Variants in RASGRP1 observed in about 807,000 individuals in gnomAD.
RASGRP1 encodes RAS guanyl releasing protein 1.
A neutral mutation model predicts 95.1 loss-of-function variants in RASGRP1; 37 were observed. The observed-to-expected ratio is 0.39, with a 90% CI of 0.30 to 0.51. The LOEUF is 0.51. Ranked by LOEUF, RASGRP1 falls within the 20% of genes least tolerant of loss-of-function variation. The pLI is 0.80. For synonymous variants in RASGRP1, 325 were observed against 353.4 expected, an observed-to-expected ratio of 0.92 and a Z score of 0.90; for missense variants, 711 against 965.4, an observed-to-expected ratio of 0.74 and a Z score of 3.49.
At chr15:38,513,044 G>A in intron 6 of RASGRP1, 88 bp from the exon 7 acceptor site, 1 of 1,291,322 alleles carries the variant, frequency 7.7e-7, no homozygotes, top group South Asian at 1.8e-5. Context: ...AGTCCAGTCT[G>A]CTCAGTTGAT....
In RASGRP1 at chr15:38,544,918, T is replaced by C. The variant is rs1383509469; in HGVS notation, c.220+14903A>G. Among the ~76,000 whole-genome samples, 3 of 152,366 alleles carry C rather than the reference T, an allele frequency of 2.0e-5. No individual in the cohort carries two copies. The East Asian group carries it at 5.8e-4, about 29-fold the overall frequency. On this transcript the variant is annotated intron_variant, in intron 2 of 16. Coordinates refer to ENST00000310803, the MANE Select transcript of RASGRP1 (RefSeq NM_005739.4). ...CCCAAAAATAGTTGCTTCAGATATT[T>C]TGTCCAGTTTTATAGCTGTTGGTAG...
chr15:38,513,116 C>G (rs946917110), intron 6 of RASGRP1, among the ~76,000 whole-genome samples, 160 bp from the exon 7 acceptor site: 1 of 152,198 alleles, frequency 6.6e-6, no homozygotes, highest in African/African-American at 2.4e-5. Context: ...GGCCACTTGC[C>G]AACAAGCATG....
intron 16 of RASGRP1, among the ~76,000 whole-genome samples, chr15:38,491,705 T>C (rs1890592689): frequency 6.6e-6 from 1 of 152,204 alleles, no homozygotes; most frequent in South Asian, 2.1e-4. Context: ...TTGTAAGGAT[T>C]ATACTTAATG....
At chr15:38,502,539 G>A (rs1323043507) in intron 11 of RASGRP1, 118 bp from the exon 12 acceptor site, 4 of 639,862 alleles carry the variant, frequency 6.3e-6, no homozygotes, top group African/African-American at 1.8e-5. Context: ...CTGAACGAGA[G>A]GAACAGGGAA....
chr15:38,530,930 G>A (rs966950052), intron 2 of RASGRP1, among the ~76,000 whole-genome samples: 1 of 152,108 alleles, frequency 6.6e-6, no homozygotes, highest in African/African-American at 2.4e-5. Context: ...CAGAGTAGAT[G>A]GATAGAAATT....
At chr15:38,491,444 G>C (rs1191231770) in intron 16 of RASGRP1, among the ~76,000 whole-genome samples, 2 of 152,256 alleles carry the variant, frequency 1.3e-5, no homozygotes, top group Non-Finnish European at 2.9e-5. Flanking sequence ...CCTGAAAATA[G>C]GTTGTATACC....
At chr15:38,534,017 C>T (rs1225324244) in intron 2 of RASGRP1, among the ~76,000 whole-genome samples, 4 of 152,220 alleles carry the variant, frequency 2.6e-5, no homozygotes, top group Non-Finnish European at 5.9e-5. Context: ...CAAGCCTCCT[C>T]AAGAGGGCTG....
At chr15:38,503,916 C>G (rs1891145950) in intron 10 of RASGRP1, 1 of 171,690 alleles carries the variant, frequency 5.8e-6, no homozygotes, top group Non-Finnish European at 1.2e-5. Context: ...TGTGTACTTA[C>G]ACAAACCTAG....
rs1443310307 is a variant in RASGRP1, at chr15:38,498,859, T to G, written c.1808A>C (p.Glu603Ala). ...CACTGGCCCCACAGAAGTGTTGTTC[T>G]CTGTGGGAGCTACTGGGTTCTTGGC... is the stretch of plus-strand genomic sequence containing the variant. ...KRAKNPVAPTENNTSVGPVSN... is the reference protein window; with the variant it reads ...KRAKNPVAPTANNTSVGPVSN... The change falls in exon 15 of 17, where the codon GAG (glutamate) becomes GCG (alanine). Residue 603 changes from glutamate to alanine, a missense_variant. Glu to Ala is a moderately radical substitution (Grantham distance 107). Around this residue, in one of 3 missense-constraint regions of RASGRP1, gnomAD observed 212 missense variants for 247.8 expected, o/e 0.86. Transcript: ENST00000310803. 6.2e-7 allele frequency: 1 copy of G among 1,613,854 alleles called. No individual in the cohort carries two copies. Among genetic ancestry groups the G allele is most frequent in the East Asian group, 2.2e-5 (1 of 44,880 alleles).
Position 38,505,858 on chromosome 15 carries a change from T to C in RASGRP1, c.1305A>G (p.Pro435=). 6.2e-7 allele frequency: 1 copy of C among 1,611,194 alleles called. No individual in the cohort carries two copies. Among genetic ancestry groups the C allele is most frequent in the Non-Finnish European group, 8.5e-7 (1 of 1,177,952 alleles). ...AACTCACTGGAGCTCTGTGGTTCCT[T>C]GGTTCCCGGGCATAGGAAAGCTCAT... ...EIYELSYARE[P]RNHRAPPLTP... The change falls in exon 10 of 17, where the codon CCA becomes CCG. Residue 435 remains proline (P), a synonymous_variant. Coordinates refer to ENST00000310803, the MANE Select transcript of RASGRP1 (RefSeq NM_005739.4).
At chr15:38,557,537 A>C (rs1007793889) in intron 2 of RASGRP1, among the ~76,000 whole-genome samples, 2 of 151,796 alleles carry the variant, frequency 1.3e-5, no homozygotes, top group Non-Finnish European at 2.9e-5. Context: ...CAAACTCTAC[A>C]TGGTATAAAA....
At chr15:38,499,022 T>C in intron 14 of RASGRP1, 76 bp from the exon 15 acceptor site, 2 of 1,579,182 alleles carry the variant, frequency 1.3e-6, no homozygotes, top group South Asian at 1.1e-5. Flanking sequence ...ACCAAATTCA[T>C]GCAGTGCTTT....
chr15:38,500,199 A>G, intron 13 of RASGRP1, 60 bp from the exon 14 acceptor site: 1 of 1,556,690 alleles, frequency 6.4e-7, no homozygotes, highest in Non-Finnish European at 8.8e-7. Context: ...TGAGGCTACA[A>G]GGTGACATTC....
chr15:38,547,314 C>T (rs1893141221), intron 2 of RASGRP1, among the ~76,000 whole-genome samples: 1 of 152,188 alleles, frequency 6.6e-6, no homozygotes, highest in Non-Finnish European at 1.5e-5. Flanking sequence ...TTTCTGGAAG[C>T]CCTTCACACC....
At chr15:38,531,467 T>C (rs554426840) in intron 2 of RASGRP1, among the ~76,000 whole-genome samples, 3 of 152,376 alleles carry the variant, frequency 2.0e-5, no homozygotes, top group African/African-American at 7.2e-5. Flanking sequence ...TGTACTCTGG[T>C]GATTTCTGAA....
intron 2 of RASGRP1, among the ~76,000 whole-genome samples, chr15:38,553,553 G>A (rs2141188402): frequency 6.6e-6 from 1 of 152,294 alleles, no homozygotes. Context: ...ACGGGCATAA[G>A]TTACGGAGTA....
At chr15:38,543,954 T>C (rs948254395) in intron 2 of RASGRP1, among the ~76,000 whole-genome samples, 6 of 152,202 alleles carry the variant, frequency 3.9e-5, no homozygotes, top group Admixed American at 2.6e-4. Context: ...TTTTCTGTCT[T>C]ATAATTTTTA....
At chr15:38,537,988 G>C (rs192347900) in intron 2 of RASGRP1, among the ~76,000 whole-genome samples, 105 of 152,338 alleles carry the variant, frequency 6.9e-4, no homozygotes, top group African/African-American at 2.4e-3. Context: ...AAGGGGCTGG[G>C]CACGGTGGCT....
chr15:38,537,810 C>T (rs182974772), intron 2 of RASGRP1, among the ~76,000 whole-genome samples: 8 of 152,312 alleles, frequency 5.3e-5, no homozygotes, highest in African/African-American at 7.2e-5. Context: ...ACTCCCCCAA[C>T]GCCAGAACCC....
Sources: gnomAD v4.1 joint callset for allele counts (sites outside exome capture counted in the v4.1 genomes callset) on GRCh38, gnomAD v4.1.1 for gene constraint, gnomAD v4.1.1 regional missense constraint, MANE v1.5 for transcripts, NCBI Gene and HGNC (gene_info 2026-07-23, HGNC 2026-07-21) for gene names.